Variants in GALNT10 observed in about 807,000 individuals in gnomAD.
The protein encoded by GALNT10 is GalNAc transferase 10.
In GALNT10, 41 loss-of-function variants were observed where a neutral mutation model predicts 75.0. The observed-to-expected ratio is 0.55, with a 90% CI of 0.43 to 0.71. GALNT10 has a LOEUF of 0.71. GALNT10 is among the 30% of genes least tolerant of loss of function. The probability of loss-of-function intolerance (pLI) is 0.00; values close to 1 mark genes in which losing one functional copy is unlikely to be tolerated. For missense variants in GALNT10, 727 were observed against 818.5 expected, an observed-to-expected ratio of 0.89 and a Z score of 1.36; for synonymous variants, 302 against 313.0, an observed-to-expected ratio of 0.96 and a Z score of 0.37.
chr5:154,415,740 T>A, intron 10 of GALNT10, 43 bp from the exon 11 acceptor site: 1 of 1,561,566 alleles, frequency 6.4e-7, no homozygotes, highest in Non-Finnish European at 8.7e-7. Flanking sequence ...AAAAAGAAAG[T>A]CCTTGGCTTT....
Position 154,409,807 on chromosome 5 carries a change from C to T in GALNT10, c.1386+45C>T. The T allele has an allele frequency of 8.0e-7, 1 of 1,245,158 alleles. No homozygotes were observed. Among genetic ancestry groups the T allele is most frequent in the South Asian group, 1.2e-5 (1 of 83,636 alleles). The allele number at this position is 1,245,158 out of a possible 1,614,324, so 77.1% of individuals were successfully genotyped here. On this transcript the variant is annotated intron_variant, in intron 9 of 11. Transcript: ENST00000297107. This position sits in a 1 kb window ranked among gnomAD's most constrained non-coding sequence, Gnocchi z 4.5. ...CTGGCTCCATAATTTAATGGGTGTG[C>T]AAAATGCAAATGCAGATCCCATGTT...
At chr5:154,313,577 G>A (rs1378378335) in intron 3 of GALNT10, among the ~76,000 whole-genome samples, 1 of 152,158 alleles carries the variant, frequency 6.6e-6, no homozygotes, top group Non-Finnish European at 1.5e-5. Context: ...GGACTAGCAG[G>A]TGGGTTTGGC....
chr5:154,304,382 T>C (rs1754400581), intron 3 of GALNT10, among the ~76,000 whole-genome samples: 1 of 152,000 alleles, frequency 6.6e-6, no homozygotes, highest in Non-Finnish European at 1.5e-5. Context: ...GCCAGAGAAA[T>C]AAAGCATGTT....
At chr5:154,264,515 A>G (rs187435480) in intron 1 of GALNT10, among the ~76,000 whole-genome samples, 1 of 152,160 alleles carries the variant, frequency 6.6e-6, no homozygotes, top group Admixed American at 6.5e-5. Context: ...TCAGAAAAAA[A>G]ATGTATATAA....
At chr5:154,222,054 C>T (rs531589485) in intron 1 of GALNT10, among the ~76,000 whole-genome samples, 1 of 152,204 alleles carries the variant, frequency 6.6e-6, no homozygotes, top group East Asian at 1.9e-4. Context: ...GTGAAGCCAT[C>T]ATCACAGTCA....
intron 1 of GALNT10, among the ~76,000 whole-genome samples, chr5:154,219,277 C>G (rs1048890951): frequency 6.6e-6 from 1 of 152,240 alleles, no homozygotes; most frequent in Non-Finnish European, 1.5e-5. Flanking sequence ...TCTCCCCCAG[C>G]AAGCCTTCCC....
chr5:154,415,880 C>G lies in GALNT10; in HGVS notation c.1601C>G (p.Thr534Arg). Reference sequence around the variant, plus strand: ...GCCATTTCCCACACCAGCCCTGTCACGCTGTACGACTGCCACAGCATGAAG... The same window carrying G: ...GCCATTTCCCACACCAGCCCTGTCAGGCTGTACGACTGCCACAGCATGAAG... ...FDAISHTSPV[T>R]LYDCHSMKGN... The change falls in exon 11 of 12, where the codon ACG becomes AGG. Residue 534 changes from threonine to arginine, a missense_variant. Thr to Arg is a moderately conservative substitution (Grantham distance 71, BLOSUM62 -1). Transcript: ENST00000297107. The G allele has an allele frequency of 6.2e-7, 1 of 1,614,066 alleles. No individual in the cohort carries two copies. The highest frequency in any genetic ancestry group is 1.1e-5 in the South Asian group (1 of 91,066).
In GALNT10 at chr5:154,376,405, A is replaced by G. The variant is rs1335092464; in HGVS notation, c.697A>G (p.Ile233Val). 11 of 1,605,038 alleles carry G rather than the reference A, an allele frequency of 6.9e-6. No individual in the cohort carries two copies. The East Asian group carries it at 9.0e-5, about 13-fold the overall frequency. The part of the protein sequence containing the change: ...LGASVATGDV[I>V]TFLDSHCEAN... ...GGCCTCAGTGGCAACTGGGGATGTC[A>G]TCACATTCTTGGATTCACACTGTGA... Residue 233 changes from isoleucine (I) to valine (V), a missense_variant, in exon 5 of 12, where the codon ATC becomes GTC. Ile to Val is a conservative substitution (Grantham distance 29). Transcript: ENST00000297107. This position sits in a 1 kb window ranked among gnomAD's most constrained non-coding sequence, Gnocchi z 4.1.
At position 154,342,121 on chromosome 5, in the gene GALNT10, C is replaced by T. The variant is rs1172100545; in HGVS notation, c.568+12383C>T. On this transcript the variant is annotated intron_variant, in intron 4 of 11. Coordinates refer to ENST00000297107, the MANE Select transcript of GALNT10 (RefSeq NM_198321.4). ...TAATGATGCTGTTGTTATGGTGATG[C>T]TTGTTATTATTACTGTTACCTGAAA... 2.6e-5 allele frequency among the ~76,000 whole-genome samples: 4 copies of T among 152,106 alleles called. No homozygotes were observed. The East Asian group carries it at 7.7e-4, about 29-fold the overall frequency.
chr5:154,232,665 C>G (rs1349015082), intron 1 of GALNT10, among the ~76,000 whole-genome samples: 3 of 152,176 alleles, frequency 2.0e-5, no homozygotes, highest in Non-Finnish European at 4.4e-5. Flanking sequence ...GTCCAGCCAG[C>G]AGGCTCAGCA....
chr5:154,240,110 G>A (rs1440928652), intron 1 of GALNT10, among the ~76,000 whole-genome samples: 1 of 152,160 alleles, frequency 6.6e-6, no homozygotes, highest in Non-Finnish European at 1.5e-5. Context: ...ATGTGTATTC[G>A]TGTATACACA....
At chr5:154,251,246 C>T (rs1753516268) in intron 1 of GALNT10, among the ~76,000 whole-genome samples, 1 of 152,058 alleles carries the variant, frequency 6.6e-6, no homozygotes, top group Non-Finnish European at 1.5e-5. Context: ...TTATACCAGT[C>T]ACTCTTTTCA....
At chr5:154,374,593 C>T (rs1755627466) in intron 4 of GALNT10, among the ~76,000 whole-genome samples, 1 of 152,218 alleles carries the variant, frequency 6.6e-6, no homozygotes, top group Non-Finnish European at 1.5e-5. Context: ...CAAGCGATCC[C>T]CCCACCTCAG....
chr5:154,375,824 C>CA (rs1452601048), intron 4 of GALNT10, among the ~76,000 whole-genome samples: 1 of 152,208 alleles, frequency 6.6e-6, no homozygotes, highest in Non-Finnish European at 1.5e-5. Flanking sequence ...ATCCCTGAAA[C>CA]AATCACTGTG....
chr5:154,235,483 G>A (rs1239214940), intron 1 of GALNT10, among the ~76,000 whole-genome samples: 2 of 152,100 alleles, frequency 1.3e-5, no homozygotes, highest in East Asian at 3.9e-4. Flanking sequence ...GGGCCTTAGG[G>A]GTTGATTCAG....
intron 1 of GALNT10, among the ~76,000 whole-genome samples, chr5:154,205,754 G>A (rs1461997835): frequency 6.6e-6 from 1 of 152,228 alleles, no homozygotes; most frequent in Admixed American, 6.5e-5. Flanking sequence ...AGACGGCTGT[G>A]AAAAGCTGTA....
Position 154,252,163 on chromosome 5 carries a change from A to G in GALNT10, c.160-42653A>G, listed in dbSNP as rs373336720. ...AAACACTAAACAGTATTTTTTGCATATGCTCTCCCATTTCCCCCATTGTTT... is the reference window on the plus strand; with the variant it reads ...AAACACTAAACAGTATTTTTTGCATGTGCTCTCCCATTTCCCCCATTGTTT... On this transcript the variant is annotated intron_variant, in intron 1 of 11. Coordinates refer to ENST00000297107, the MANE Select transcript of GALNT10 (RefSeq NM_198321.4). Among the ~76,000 whole-genome samples, 9 of 152,216 alleles carry G rather than the reference A, an allele frequency of 5.9e-5. No homozygotes were observed. In the South Asian group the frequency reaches 1.5e-3, roughly 25 times the overall value.
intron 1 of GALNT10, among the ~76,000 whole-genome samples, chr5:154,268,389 C>G (rs1420203895): frequency 6.6e-6 from 1 of 152,148 alleles, no homozygotes; most frequent in East Asian, 1.9e-4. Flanking sequence ...CTCAGCCAAA[C>G]AGCATCCAAG....
intron 1 of GALNT10, among the ~76,000 whole-genome samples, chr5:154,249,084 G>C (rs1283113590): frequency 6.6e-6 from 1 of 152,220 alleles, no homozygotes; most frequent in Non-Finnish European, 1.5e-5. Flanking sequence ...TTTAGTCCCT[G>C]TGTTACCAGC....
Sources: allele counts gnomAD v4.1 joint callset (sites outside exome capture counted in the v4.1 genomes callset), GRCh38; gene constraint gnomAD v4.1.1; non-coding constraint Gnocchi (gnomAD v3.1); transcripts MANE v1.5; gene names NCBI Gene and HGNC (gene_info 2026-07-23, HGNC 2026-07-21).